Variants in MCF2L2 observed in about 807,000 individuals in gnomAD.
The protein encoded by MCF2L2 is MCF.2 cell line derived transforming sequence-like 2.
A neutral mutation model predicts 150.2 loss-of-function variants in MCF2L2; 102 were observed. The observed-to-expected ratio is 0.68, with a 90% CI of 0.58 to 0.80. The LOEUF is 0.80. Ranked by LOEUF, MCF2L2 falls within the 30% of genes least tolerant of loss-of-function variation. The pLI, the probability that MCF2L2 is intolerant of heterozygous loss-of-function variation, is 0.00. For synonymous variants in MCF2L2, 465 were observed against 491.3 expected (o/e 0.95, Z 0.71); for missense variants, 1,256 against 1,372.8 (o/e 0.91, Z 1.34).
At chr3:183,379,265 C>A in intron 3 of MCF2L2, 32 bp downstream of exon 3, 1 of 1,524,400 alleles carries the variant, frequency 6.6e-7, no homozygotes, top group Non-Finnish European at 9.0e-7. Flanking sequence ...AAAGCCAGTG[C>A]CTAAGGCGGC....
At position 183,270,212 on chromosome 3, in the gene MCF2L2, G is replaced by A. The variant is rs1201545907; in HGVS notation, c.1862+6660C>T. On this transcript the variant is annotated intron_variant, in intron 15 of 29. Coordinates refer to ENST00000328913, the MANE Select transcript of MCF2L2 (RefSeq NM_015078.4). This position sits in a 1 kb window ranked among gnomAD's most constrained non-coding sequence, Gnocchi z 4.5. ...CCTTAGGAACTCCTAATCCACTGGA[G>A]GGAGAAGAACTACAAAGAAAACTGG... The A allele has an allele frequency of 1.9e-6, 3 of 1,614,194 alleles. No homozygotes were observed. The highest frequency in any genetic ancestry group is 2.5e-6 in the Non-Finnish European group (3 of 1,180,030).
intron 3 of MCF2L2, among the ~76,000 whole-genome samples, chr3:183,371,040 T>C (rs1712843560): frequency 6.6e-6 from 1 of 152,256 alleles, no homozygotes; most frequent in Non-Finnish European, 1.5e-5. Flanking sequence ...TTCATCTCCC[T>C]GACCCTTTGA....
At chr3:183,238,529 G>C (rs890526606) in intron 15 of MCF2L2, among the ~76,000 whole-genome samples, 10 of 151,268 alleles carry the variant, frequency 6.6e-5, no homozygotes, top group African/African-American at 2.4e-4. Context: ...TCCTGACCTC[G>C]TGATCCACCC....
intron 1 of MCF2L2, among the ~76,000 whole-genome samples, chr3:183,421,776 GA>G (rs1715898918): frequency 6.6e-6 from 1 of 152,204 alleles, no homozygotes; most frequent in South Asian, 2.1e-4. Flanking sequence ...CATGAATACT[GA>G]TTCCTCTTTT....
At chr3:183,417,478 A>T (rs181486786) in intron 1 of MCF2L2, among the ~76,000 whole-genome samples, 67 of 152,350 alleles carry the variant, frequency 4.4e-4, no homozygotes, top group Non-Finnish European at 8.2e-4. Context: ...TAAAAGAATG[A>T]AGAAATATGC....
At chr3:183,303,269 C>T (rs1728945519) in intron 10 of MCF2L2, among the ~76,000 whole-genome samples, 1 of 151,758 alleles carries the variant, frequency 6.6e-6, no homozygotes, top group Non-Finnish European at 1.5e-5. Flanking sequence ...ATTTAGTAGG[C>T]ATGCAATAAA....
chr3:183,212,162 A>G (rs1168913835), intron 22 of MCF2L2, among the ~76,000 whole-genome samples: 2 of 152,316 alleles, frequency 1.3e-5, no homozygotes, highest in East Asian at 3.9e-4. Context: ...GAGGTAAGGA[A>G]GGATTCTTCC....
At chr3:183,400,827 T>C (rs1714713552) in intron 1 of MCF2L2, among the ~76,000 whole-genome samples, 1 of 151,522 alleles carries the variant, frequency 6.6e-6, no homozygotes, top group Non-Finnish European at 1.5e-5. Context: ...AATAAAACGA[T>C]AGGGATAAAC....
chr3:183,389,631 G>A (rs1239563735), intron 2 of MCF2L2, 65 bp downstream of exon 2: 1 of 1,357,014 alleles, frequency 7.4e-7, no homozygotes, highest in Admixed American at 1.7e-5. Flanking sequence ...AGGTTCAAGA[G>A]GCTGGACCTT....
chr3:183,291,737 GAT>G (rs1168283402), intron 13 of MCF2L2, among the ~76,000 whole-genome samples: 1 of 152,224 alleles, frequency 6.6e-6, no homozygotes, highest in Admixed American at 6.5e-5. Flanking sequence ...AAAAGTGCAG[GAT>G]TGTTCTGCAA....
intron 10 of MCF2L2, among the ~76,000 whole-genome samples, chr3:183,302,281 C>G (rs1444766367): frequency 6.6e-6 from 1 of 152,166 alleles, no homozygotes; most frequent in African/African-American, 2.4e-5. Context: ...AACTCTAATA[C>G]AGCTACATGC....
chr3:183,191,127 C>T (rs866795481), intron 27 of MCF2L2, among the ~76,000 whole-genome samples: 1 of 152,134 alleles, frequency 6.6e-6, no homozygotes, highest in Non-Finnish European at 1.5e-5. Context: ...CCGCCCACCT[C>T]GGCCTCCCAA....
chr3:183,307,398 T>A (rs1199358200), intron 10 of MCF2L2, among the ~76,000 whole-genome samples: 1 of 152,198 alleles, frequency 6.6e-6, no homozygotes, highest in African/African-American at 2.4e-5. Context: ...ACAGCTTTGT[T>A]TGATTTACGC....
intron 9 of MCF2L2, among the ~76,000 whole-genome samples, chr3:183,310,332 C>G (rs564589265): frequency 2.6e-5 from 4 of 152,186 alleles, no homozygotes; most frequent in African/African-American, 9.6e-5. Flanking sequence ...GAAACCCCAT[C>G]TCTACCAAAA....
At chr3:183,308,299 A>C (rs1729199997) in intron 10 of MCF2L2, among the ~76,000 whole-genome samples, 1 of 152,040 alleles carries the variant, frequency 6.6e-6, no homozygotes, top group South Asian at 2.1e-4. Context: ...ATTTTTTTTG[A>C]TGAGGCACTT....
rs79190809 is a variant in MCF2L2 at position 183,404,925 on chromosome 3, T to A, written c.77-15146A>T. Among the ~76,000 whole-genome samples, 392 of 152,222 alleles carry A rather than the reference T, an allele frequency of 2.6e-3. 6 individuals are homozygous for A. The highest frequency in any genetic ancestry group is 0.018 in the Admixed American group (281 of 15,284). The stretch of plus-strand genomic sequence containing the variant: ...AAAATTTCTGACTAAAGATGCTCCT[T>A]GCATCTTAAAAATAACATTGGGAAA... On this transcript the variant is annotated intron_variant, in intron 1 of 29. Transcript: ENST00000328913.
chr3:183,382,900 G>A (rs1713616761), intron 2 of MCF2L2, among the ~76,000 whole-genome samples: 1 of 152,114 alleles, frequency 6.6e-6, no homozygotes, highest in South Asian at 2.1e-4. Context: ...ACAGGAAGAT[G>A]GCAAAGACCA....
chr3:183,408,674 T>C (rs1435701757), intron 1 of MCF2L2, among the ~76,000 whole-genome samples: 1 of 152,146 alleles, frequency 6.6e-6, no homozygotes, highest in Non-Finnish European at 1.5e-5. Flanking sequence ...CCCAGGGTAT[T>C]GAAAGAGAAA....
chr3:183,366,465 C>T (rs1191868970), intron 3 of MCF2L2, among the ~76,000 whole-genome samples: 1 of 152,084 alleles, frequency 6.6e-6, no homozygotes, highest in Non-Finnish European at 1.5e-5. Flanking sequence ...GCCAACATGG[C>T]AAAATCCTGT....
Sources: allele counts gnomAD v4.1 joint callset (sites outside exome capture counted in the v4.1 genomes callset), GRCh38; gene constraint gnomAD v4.1.1; non-coding constraint Gnocchi (gnomAD v3.1); transcripts MANE v1.5; gene names NCBI Gene and HGNC (gene_info 2026-07-23, HGNC 2026-07-21).